NUP210: variants seen among roughly 807,000 people sequenced by gnomAD.
NUP210 encodes nuclear pore membrane glycoprotein 210.
NUP210 carries 151 observed loss-of-function variants against 196.0 expected under a neutral mutation model. That is an observed-to-expected ratio of 0.77 (90% CI 0.67 to 0.88). The LOEUF (loss-of-function observed/expected upper bound fraction) is 0.88, where lower values mean the gene tolerates loss of function less well. Among genes scored for constraint, NUP210 ranks in the 40% least tolerant of loss-of-function variants. The probability of loss-of-function intolerance (pLI) is 0.00; values close to 1 mark genes in which losing one functional copy is unlikely to be tolerated. For synonymous variants in NUP210, 1,070 were observed against 1,052.7 expected (o/e 1.02, Z -0.32); for missense variants, 2,314 against 2,493.7 (o/e 0.93, Z 1.53).
At chr3:13,332,202 T>C in intron 29 of NUP210, 91 bp downstream of exon 29, 1 of 1,023,498 alleles carries the variant, frequency 9.8e-7, no homozygotes, top group Admixed American at 1.7e-5. Flanking sequence ...TCCCTGAAAG[T>C]ACCCATGGCT....
At position 13,319,505 on chromosome 3, in the gene NUP210, C is replaced by A. The variant is rs922319507; in HGVS notation, c.5384-180G>T. On this transcript the variant is annotated intron_variant, in intron 37 of 39. Coordinates refer to ENST00000254508, the MANE Select transcript of NUP210 (RefSeq NM_024923.4). ...CCGGGCCCACAGCTGTTCTTGGTAC[C>A]CTGGCACTTCTTCTCCTGGCGCAGG... is the stretch of plus-strand genomic sequence containing the variant. Among the ~76,000 whole-genome samples the A allele has an allele frequency of 1.1e-4, 17 of 149,990 alleles. No individual in the cohort carries two copies. The East Asian group carries it at 2.6e-3, about 23-fold the overall frequency.
At chr3:13,395,301 G>A (rs1185764345) in intron 3 of NUP210, among the ~76,000 whole-genome samples, 3 of 152,214 alleles carry the variant, frequency 2.0e-5, no homozygotes, top group Admixed American at 2.0e-4. Context: ...GCAATAGCAA[G>A]TGCTGGCCAG....
rs759773494 is a variant in NUP210 at position 13,319,059 on chromosome 3, G to A, written c.5563+13C>T. ...CAGCTCTGCCTGGTTGTGCCTGCAGGGGGGCTACTCACAGTGGGGGCTGTG... is the reference window on the plus strand; with the variant it reads ...CAGCTCTGCCTGGTTGTGCCTGCAGAGGGGCTACTCACAGTGGGGGCTGTG... On this transcript the variant is annotated intron_variant, in intron 39 of 39. Coordinates refer to ENST00000254508, the MANE Select transcript of NUP210 (RefSeq NM_024923.4). 4 of 1,593,632 alleles carry A rather than the reference G, an allele frequency of 2.5e-6. No homozygotes were observed. The highest frequency in any genetic ancestry group is 3.4e-6 in the Non-Finnish European group (4 of 1,172,068).
In NUP210 at chr3:13,330,517, G is replaced by A. The variant is rs141087015; in HGVS notation, c.4053C>T (p.Ile1351=). ...CAAAGGGCTCTTGTGCAATCACTTC[G>A]ATGGTGGATGTCCCGATCATAGACC... ...ASGSMIGTST[I]EVIAQEPFGA... The change falls in exon 30 of 40, where the codon ATC becomes ATT. Residue 1351 remains isoleucine (I), a synonymous_variant. Transcript: ENST00000254508. 18 of 1,614,086 alleles carry A rather than the reference G, an allele frequency of 1.1e-5. No homozygotes were observed. Among genetic ancestry groups the A allele is most frequent in the South Asian group, 1.1e-5 (1 of 91,086 alleles).
chr3:13,349,874 A>G (rs1203084445), intron 20 of NUP210, among the ~76,000 whole-genome samples: 1 of 152,230 alleles, frequency 6.6e-6, no homozygotes, highest in Non-Finnish European at 1.5e-5. Flanking sequence ...CAAACGGAAA[A>G]AGAGAGAGGT....
At chr3:13,372,099 T>C (rs1698751749) in intron 12 of NUP210, 67 bp from the exon 13 acceptor site, 1 of 1,384,154 alleles carries the variant, frequency 7.2e-7, no homozygotes, top group East Asian at 2.5e-5. Context: ...GTTGCTCGGA[T>C]ATCCTAAGTG....
In NUP210 at chr3:13,347,613, T is replaced by C. The variant is rs1697796537; in HGVS notation, c.2835+4266A>G. ...CCCAGAGACACTCCAAAGCCACACA[T>C]TCCCGCAAGCCATCCTTCCGTGCTG... On this transcript the variant is annotated intron_variant, in intron 20 of 39. Coordinates refer to ENST00000254508, the MANE Select transcript of NUP210 (RefSeq NM_024923.4). The surrounding 1 kb of genome is among the most constrained non-coding windows in gnomAD (Gnocchi z 4.7). Among the ~76,000 whole-genome samples, 1 of 152,048 alleles carries C rather than the reference T, an allele frequency of 6.6e-6. No homozygotes were observed. Among genetic ancestry groups the C allele is most frequent in the Non-Finnish European group, 1.5e-5 (1 of 67,998 alleles).
At chr3:13,411,313 G>A (rs570777411) in intron 1 of NUP210, among the ~76,000 whole-genome samples, 39 of 152,286 alleles carry the variant, frequency 2.6e-4, no homozygotes, top group African/African-American at 8.9e-4. Flanking sequence ...GAAGGGTGGC[G>A]CATTTCCCCA....
At chr3:13,329,073 C>T in intron 30 of NUP210, 127 bp from the exon 31 acceptor site, 2 of 739,522 alleles carry the variant, frequency 2.7e-6, no homozygotes, top group Non-Finnish European at 4.4e-6. Flanking sequence ...CAGGGCTGGA[C>T]TTAGGGGTCC....
intron 1 of NUP210, among the ~76,000 whole-genome samples, chr3:13,410,345 A>G (rs1700127481): frequency 6.6e-6 from 1 of 150,484 alleles, no homozygotes; most frequent in African/African-American, 2.4e-5. Flanking sequence ...TACCCAGCTA[A>G]TTTTGTATTT....
At chr3:13,367,756 C>T (rs57361156) in intron 13 of NUP210, among the ~76,000 whole-genome samples, 5,194 of 152,292 alleles carry the variant, frequency 0.034, 126 homozygotes, top group Middle Eastern at 0.075. Flanking sequence ...ATCCTTTGTC[C>T]ACATTCTCCA....
chr3:13,342,482 A>G (rs1967220), intron 21 of NUP210, among the ~76,000 whole-genome samples: 146,307 of 152,330 alleles, frequency 0.96, 70,315 homozygotes, highest in East Asian at 1. Flanking sequence ...TTTAGGAAAT[A>G]AGAATCAGAA....
intron 36 of NUP210, 23 bp from the exon 37 acceptor site, chr3:13,320,002 G>A: frequency 6.2e-7 from 1 of 1,608,764 alleles, no homozygotes; most frequent in Non-Finnish European, 8.5e-7. Flanking sequence ...TCAGAGCTGG[G>A]GGTGCACATT....
At chr3:13,383,126 CAA>C (rs1699156040) in intron 6 of NUP210, among the ~76,000 whole-genome samples, 3 of 152,100 alleles carry the variant, frequency 2.0e-5, no homozygotes, top group Non-Finnish European at 4.4e-5. Context: ...ACATGGGTGA[CAA>C]AGCAAGACTC....
At position 13,420,263 on chromosome 3, in the gene NUP210, G is replaced by C. The variant is rs1420993663; in HGVS notation, c.-37C>G. 1 of 1,046,462 alleles carries C rather than the reference G, an allele frequency of 9.6e-7. No homozygotes were observed. The highest frequency in any genetic ancestry group is 1.7e-5 in the African/African-American group (1 of 58,124). 64.8% of individuals were successfully genotyped at this position (1,046,462 alleles called of 1,614,324 possible). A position where few individuals can be genotyped will look rare whatever the true frequency, so the allele number is the denominator to read the frequency against. On this transcript the variant is annotated 5_prime_UTR_variant, in exon 1 of 40. Transcript: ENST00000254508. This position sits in a 1 kb window ranked among gnomAD's most constrained non-coding sequence, Gnocchi z 4.8. ...GTCACCTCCCGCGACCCTGCGCCCG[G>C]CCGCCCGCGCCGCCCCGTTGCCCTC...
At position 13,327,433 on chromosome 3, in the gene NUP210, C is replaced by A; in HGVS notation, c.4291G>T (p.Asp1431Tyr). ...SVLNFATNRD[D>Y]FVQIGKGPTN... ...GGGCCCTTCCCGATCTGCACAAAGTCGTCTCTAGGCACAGGAGAGAAAGGA... is the reference window on the plus strand; with the variant it reads ...GGGCCCTTCCCGATCTGCACAAAGTAGTCTCTAGGCACAGGAGAGAAAGGA... Residue 1431 changes from aspartate (D) to tyrosine (Y), a missense_variant, in exon 32 of 40, where the codon GAC becomes TAC. Physicochemically the swap from Asp to Tyr is radical, Grantham distance 160. Coordinates refer to ENST00000254508, the MANE Select transcript of NUP210 (RefSeq NM_024923.4). The A allele has an allele frequency of 6.2e-7, 1 of 1,606,916 alleles. No homozygotes were observed. Among genetic ancestry groups the A allele is most frequent in the Admixed American group, 1.7e-5 (1 of 59,588 alleles).
At chr3:13,402,577 G>A (rs566453619) in intron 1 of NUP210, among the ~76,000 whole-genome samples, 2 of 152,254 alleles carry the variant, frequency 1.3e-5, no homozygotes, top group African/African-American at 2.4e-5. Context: ...TGCCTGGACA[G>A]CCTGCAGAAC....
At chr3:13,404,134 T>C (rs59700370) in intron 1 of NUP210, among the ~76,000 whole-genome samples, 6,109 of 152,244 alleles carry the variant, frequency 0.04, 177 homozygotes, top group African/African-American at 0.083. Context: ...AGCCCACCCA[T>C]AGCTTTGGGC....
At chr3:13,384,488 A>G (rs1226539251) in intron 6 of NUP210, among the ~76,000 whole-genome samples, 1 of 152,202 alleles carries the variant, frequency 6.6e-6, no homozygotes, top group African/African-American at 2.4e-5. Context: ...AGTCCCAGCT[A>G]CTCAGAAGAA....
Sources: allele counts gnomAD v4.1 joint callset (sites outside exome capture counted in the v4.1 genomes callset), GRCh38; gene constraint gnomAD v4.1.1; non-coding constraint Gnocchi (gnomAD v3.1); transcripts MANE v1.5; gene names NCBI Gene and HGNC (gene_info 2026-07-23, HGNC 2026-07-21).